Variants in HS6ST2 observed in about 807,000 individuals in gnomAD.
HS6ST2 encodes heparan sulfate 6-O-sulfotransferase 2.
A neutral mutation model predicts 33.0 loss-of-function variants in HS6ST2; 17 were observed. That is an observed-to-expected ratio of 0.52 (90% CI 0.35 to 0.77). The LOEUF (loss-of-function observed/expected upper bound fraction) is 0.77, where lower values mean the gene tolerates loss of function less well. HS6ST2 is among the 30% of genes least tolerant of loss of function. The pLI is 0.01. For missense variants in HS6ST2, 519 were observed against 551.7 expected (o/e 0.94, Z 0.59); for synonymous variants, 248 against 237.1 (o/e 1.05, Z -0.42).
intron 4 of HS6ST2, among the ~76,000 whole-genome samples, chrX:132,660,626 A>C (rs777937889): frequency 1.8e-4 from 20 of 111,611 alleles, no homozygotes; most frequent in Middle Eastern, 4.6e-3. Context: ...TGCTATGGGA[A>C]TCTAGCTTTG....
intron 2 of HS6ST2, among the ~76,000 whole-genome samples, chrX:132,905,864 A>G (rs2066469524): frequency 9.0e-6 from 1 of 111,325 alleles, no homozygotes; most frequent in South Asian, 3.8e-4. Flanking sequence ...TGTCTATGAA[A>G]AAATGTTTTT....
rs781456010 is a variant in HS6ST2 at position 132,715,739 on chromosome X, A to C, written c.948-7245T>G. Among the ~76,000 whole-genome samples the C allele has an allele frequency of 1.8e-5, 2 of 112,512 alleles. 1 individual carries two copies. Among genetic ancestry groups the C allele is most frequent in the South Asian group, 7.5e-4 (2 of 2,676 alleles). ...ATCACACAACCCTTCAGAACAATTCACAGAGCAAGGGCTGCAAAAGATGGG... is the reference window on the plus strand; with the variant it reads ...ATCACACAACCCTTCAGAACAATTCCCAGAGCAAGGGCTGCAAAAGATGGG... On this transcript the variant is annotated intron_variant, in intron 2 of 4. Transcript: ENST00000370833.
rs1333578067 is a variant in HS6ST2 at position 132,917,651 on chromosome X, C to T, written c.947+39157G>A. ...TCTTTTGTGACTAAAATGACCAGCT[C>T]TAAAGGCAGTTCTCAAAGAGAGGAT... On this transcript the variant is annotated intron_variant, in intron 2 of 4. Coordinates refer to ENST00000370833, the MANE Select transcript of HS6ST2 (RefSeq NM_001394073.1). Among the ~76,000 whole-genome samples, 4 of 110,966 alleles carry T rather than the reference C, an allele frequency of 3.6e-5. No individual in the cohort carries two copies. In the East Asian group the frequency reaches 1.1e-3, roughly 32 times the overall value.
intron 4 of HS6ST2, among the ~76,000 whole-genome samples, chrX:132,636,072 A>G (rs924062220): frequency 4.8e-4 from 54 of 111,396 alleles, no homozygotes; most frequent in African/African-American, 1.5e-3. Flanking sequence ...TGGGATTGTC[A>G]AGCGATTTTT....
intron 3 of HS6ST2, among the ~76,000 whole-genome samples, chrX:132,697,791 A>G (rs1462534566): frequency 8.9e-6 from 1 of 111,795 alleles, no homozygotes; most frequent in Non-Finnish European, 1.9e-5. Context: ...TGAGCTCCAT[A>G]AAGACAGGAT....
chrX:132,791,190 T>C (rs2065117434), intron 2 of HS6ST2, among the ~76,000 whole-genome samples: 1 of 111,537 alleles, frequency 9.0e-6, no homozygotes, highest in Non-Finnish European at 1.9e-5. Flanking sequence ...TAAGATATGT[T>C]TGTGGTCAAA....
chrX:132,958,094 C>A (rs1474419615), intron 1 of HS6ST2, 81 bp downstream of exon 1: 6 of 949,416 alleles, frequency 6.3e-6, no homozygotes, highest in Admixed American at 3.9e-5. Flanking sequence ...TTCTCTACCC[C>A]CCGCGGCTGC....
At chrX:132,757,353 C>CACT (rs1280837353) in intron 2 of HS6ST2, among the ~76,000 whole-genome samples, 43 of 111,945 alleles carry the variant, frequency 3.8e-4, no homozygotes, top group Non-Finnish European at 7.7e-4. Flanking sequence ...AAACAAGCCT[C>CACT]GAGCACAGAG....
Position 132,772,704 on chromosome X carries a change from A to C in HS6ST2, c.948-64210T>G, listed in dbSNP as rs1569489055. On this transcript the variant is annotated intron_variant, in intron 2 of 4. Transcript: ENST00000370833. The stretch of plus-strand genomic sequence containing the variant: ...ACAATATAATTAACTGTAATGATTA[A>C]TATACAATATATAAAAATATAGAAC... 3.1e-5 allele frequency among the ~76,000 whole-genome samples: 3 copies of C among 96,259 alleles called. No homozygotes were observed. The Admixed American group carries it at 3.8e-4, about 12-fold the overall frequency. The allele number at this position is 96,259 out of a possible 115,157, so 83.6% of individuals were successfully genotyped here. A position where few individuals can be genotyped will look rare whatever the true frequency, so the allele number is the denominator to read the frequency against.
chrX:132,648,556 A>G (rs952914219), intron 4 of HS6ST2, among the ~76,000 whole-genome samples: 10 of 108,828 alleles, frequency 9.2e-5, no homozygotes, highest in Non-Finnish European at 1.7e-4. Context: ...AAAAAAAAAA[A>G]GGTTGGGTGT....
rs1485073641 is a variant in HS6ST2, at chrX:132,655,789, G to A, written c.1067+13324C>T. Reference sequence around the variant, plus strand: ...CAATTTAAAATTTATTTTAAAAATTGTTTATAGGGTTATATAAAATAGCTA... The same window carrying A: ...CAATTTAAAATTTATTTTAAAAATTATTTATAGGGTTATATAAAATAGCTA... On this transcript the variant is annotated intron_variant, in intron 4 of 4. Coordinates refer to ENST00000370833, the MANE Select transcript of HS6ST2 (RefSeq NM_001394073.1). Among the ~76,000 whole-genome samples the A allele has an allele frequency of 2.7e-5, 3 of 111,302 alleles. No homozygotes were observed. The East Asian group carries it at 8.5e-4, about 31-fold the overall frequency.
At chrX:132,920,159 C>T (rs1174402685) in intron 2 of HS6ST2, among the ~76,000 whole-genome samples, 1 of 110,882 alleles carries the variant, frequency 9.0e-6, no homozygotes, top group Non-Finnish European at 1.9e-5. Flanking sequence ...ATAGATTCGG[C>T]CCGTCCATCC....
At chrX:132,703,602 T>C (rs1208866753) in intron 3 of HS6ST2, among the ~76,000 whole-genome samples, 2 of 112,407 alleles carry the variant, frequency 1.8e-5, no homozygotes, top group East Asian at 5.6e-4. Context: ...CTCCTGACAA[T>C]AGTACACACA....
At chrX:132,840,325 G>T (rs1304968561) in intron 2 of HS6ST2, among the ~76,000 whole-genome samples, 2 of 110,395 alleles carry the variant, frequency 1.8e-5, no homozygotes, top group African/African-American at 6.6e-5. Flanking sequence ...GATCAATAAT[G>T]CAGGTTCCCA....
chrX:132,857,820 G>A (rs762877100), intron 2 of HS6ST2, among the ~76,000 whole-genome samples: 1 of 112,070 alleles, frequency 8.9e-6, no homozygotes, highest in South Asian at 3.8e-4. Context: ...CAGTCTCAAT[G>A]AATATTTGTT....
chrX:132,718,244 T>A (rs770832009), intron 2 of HS6ST2, among the ~76,000 whole-genome samples: 7 of 111,162 alleles, frequency 6.3e-5, no homozygotes, highest in African/African-American at 2.3e-4. Context: ...TGGATTCAAA[T>A]CCAGAGTTGT....
At chrX:132,670,106 T>G (rs2063852551) in intron 3 of HS6ST2, among the ~76,000 whole-genome samples, 1 of 111,660 alleles carries the variant, frequency 9.0e-6, no homozygotes. Context: ...AGATTTTTTT[T>G]TTTTTGTTAG....
At chrX:132,932,018 C>T (rs901199966) in intron 2 of HS6ST2, among the ~76,000 whole-genome samples, 1 of 109,127 alleles carries the variant, frequency 9.2e-6, no homozygotes, top group Non-Finnish European at 1.9e-5. Context: ...AACCCCGTCT[C>T]TACTAAAAAT....
At chrX:132,959,746 C>A (rs1360158236), upstream of HS6ST2, among the ~76,000 whole-genome samples, 1 of 112,210 alleles carries the variant, frequency 8.9e-6, no homozygotes, top group South Asian at 3.7e-4. Flanking sequence ...AAGATAGGAC[C>A]AATTATGTCC....
Sources: allele counts gnomAD v4.1 joint callset (sites outside exome capture counted in the v4.1 genomes callset), GRCh38; gene constraint gnomAD v4.1.1; transcripts MANE v1.5; gene names NCBI Gene and HGNC (gene_info 2026-07-23, HGNC 2026-07-21).